ACER1: variants seen among roughly 807,000 people sequenced by gnomAD.
ACER1 encodes CTB-180A7.3.
A neutral mutation model predicts 24.9 loss-of-function variants in ACER1; 28 were observed. The observed-to-expected ratio is 1.13, with a 90% confidence interval of 0.83 to 1.54. The LOEUF is 1.54. Ranked by LOEUF, ACER1 falls within the 40% of genes most tolerant of loss-of-function variation. The pLI, the probability that ACER1 is intolerant of heterozygous loss-of-function variation, is 0.00. For synonymous variants in ACER1, 132 were observed against 131.4 expected, an observed-to-expected ratio of 1.00 and a Z score of -0.03; for missense variants, 352 against 349.3, an observed-to-expected ratio of 1.01 and a Z score of -0.06.
chr19:6,330,264 T>A (rs951801303), intron 1 of ACER1, among the ~76,000 whole-genome samples: 1 of 149,880 alleles, frequency 6.7e-6, no homozygotes, highest in African/African-American at 2.5e-5. Context: ...ACCTCCCAGA[T>A]TCAAGTGATT....
chr19:6,359,638 G>A, the ACER1 span, among the ~76,000 whole-genome samples: 2 of 151,916 alleles, frequency 1.3e-5, no homozygotes, highest in African/African-American at 4.8e-5. Context: ...GCTGTGATTC[G>A]AAGGACTGCC....
rs774424564 is a variant in ACER1 at position 6,333,428 on chromosome 19, G to A, written c.93+31C>T. Reference sequence around the variant, plus strand: ...GAACCGGGATTCGAACCGGCATCTGGCGAGACTCCTTCACACACCCACGCA... The same window carrying A: ...GAACCGGGATTCGAACCGGCATCTGACGAGACTCCTTCACACACCCACGCA... On this transcript the variant is annotated intron_variant, in intron 1 of 5. Coordinates refer to ENST00000301452, the MANE Select transcript of ACER1 (RefSeq NM_133492.3). 5 of 1,527,368 alleles carry A rather than the reference G, an allele frequency of 3.3e-6. No homozygotes were observed. In the Admixed American group the frequency reaches 7.9e-5, roughly 24 times the overall value. The allele number at this position is 1,527,368 out of a possible 1,614,324, so 94.6% of individuals were successfully genotyped here.
chr19:6,358,216 G>A, the ACER1 span, among the ~76,000 whole-genome samples: 1 of 152,192 alleles, frequency 6.6e-6, no homozygotes, highest in Non-Finnish European at 1.5e-5. Context: ...ATAAAAGTAA[G>A]ATTCCAGACC....
At chr19:6,348,777 G>A in the ACER1 span, among the ~76,000 whole-genome samples, 1 of 152,038 alleles carries the variant, frequency 6.6e-6, no homozygotes, top group Non-Finnish European at 1.5e-5. Flanking sequence ...AGCACGGCAG[G>A]CTGGGCATGG....
At chr19:6,323,406 G>A (rs188737817) in intron 1 of ACER1, among the ~76,000 whole-genome samples, 1,876 of 149,390 alleles carry the variant, frequency 0.013, 12 homozygotes, top group Middle Eastern at 0.021. Context: ...GGGTGACAGC[G>A]AGACTCCGTC....
intron 3 of ACER1, among the ~76,000 whole-genome samples, chr19:6,311,723 G>A (rs544218680): frequency 1.3e-5 from 2 of 152,258 alleles, no homozygotes; most frequent in East Asian, 1.9e-4. Context: ...TTATTTCACA[G>A]GGGTCAAGGG....
the ACER1 span, among the ~76,000 whole-genome samples, chr19:6,345,982 C>T: frequency 1.3e-5 from 2 of 151,982 alleles, no homozygotes; most frequent in African/African-American, 4.8e-5. Context: ...CCCACCTCAG[C>T]CTCCCAAGCT....
At chr19:6,341,626 T>C in the ACER1 span, among the ~76,000 whole-genome samples, 12 of 152,136 alleles carry the variant, frequency 7.9e-5, no homozygotes, top group Admixed American at 6.5e-4. Flanking sequence ...TGTTTTGTTT[T>C]GTTTTTCTTT....
the ACER1 span, among the ~76,000 whole-genome samples, chr19:6,357,924 G>T: frequency 6.6e-6 from 1 of 152,172 alleles, no homozygotes; most frequent in African/African-American, 2.4e-5. Flanking sequence ...AAGTGAAGCT[G>T]ATTAAACAAA....
the ACER1 span, among the ~76,000 whole-genome samples, chr19:6,346,505 C>CTTTTTTTT: frequency 6.7e-6 from 1 of 148,910 alleles, no homozygotes. Flanking sequence ...TCTTCTTCTT[C>CTTTTTTTT]TTTTTTTTCT....
At position 6,309,723 on chromosome 19, in the gene ACER1, GAGAATGTGCA is replaced by G. The variant is rs557080289; in HGVS notation, c.452_461del (p.Leu151ProfsTer19). On this transcript the variant is annotated frameshift_variant, in exon 4 of 6. Transcript: ENST00000301452. LOFTEE classifies it high-confidence loss of function. ...TCCTGTACTCCTGGCACACGATGTAGAGAATGTGCAGGGCAATGCTGTTGAGGGCGTAGGC... is the reference window on the plus strand; with the variant it reads ...TCCTGTACTCCTGGCACACGATGTAGGGGCAATGCTGTTGAGGGCGTAGGC... 4.3e-6 allele frequency: 7 copies of G among 1,614,086 alleles called. No homozygotes were observed. In the Admixed American group the frequency reaches 1.2e-4, roughly 27 times the overall value.
chr19:6,334,772 T>G (rs1422825381), upstream of ACER1, among the ~76,000 whole-genome samples: 2 of 151,702 alleles, frequency 1.3e-5, no homozygotes, highest in East Asian at 1.9e-4. Context: ...AAGACAGAGA[T>G]AAAGCATGTA....
intron 1 of ACER1, among the ~76,000 whole-genome samples, chr19:6,316,607 C>G (rs1476071618): frequency 6.6e-6 from 1 of 150,832 alleles, no homozygotes; most frequent in African/African-American, 2.4e-5. Context: ...GATCATGAGA[C>G]CAAGAGTTCG....
intron 1 of ACER1, among the ~76,000 whole-genome samples, chr19:6,322,765 T>C (rs1019552890): frequency 3.9e-5 from 6 of 152,190 alleles, no homozygotes; most frequent in African/African-American, 1.4e-4. Flanking sequence ...GGGTCTGTCC[T>C]GCTCTGTTCT....
At chr19:6,341,427 A>G in the ACER1 span, among the ~76,000 whole-genome samples, 1 of 149,588 alleles carries the variant, frequency 6.7e-6, no homozygotes, top group African/African-American at 2.5e-5. Flanking sequence ...CAGGAAGCTG[A>G]GATGGGAAGA....
At chr19:6,327,998 C>T (rs2091669464) in intron 1 of ACER1, among the ~76,000 whole-genome samples, 1 of 151,636 alleles carries the variant, frequency 6.6e-6, no homozygotes, top group African/African-American at 2.4e-5. Flanking sequence ...ATTGCTTGAA[C>T]CTGGGAGGCA....
intron 1 of ACER1, among the ~76,000 whole-genome samples, chr19:6,323,344 CTA>C (rs1475509349): frequency 8.6e-5 from 13 of 151,452 alleles, no homozygotes; most frequent in South Asian, 2.1e-4. Flanking sequence ...GGTGTGAACC[CTA>C]GGGGGCAGAG....
chr19:6,314,874 T>G (rs2091595774), intron 1 of ACER1, among the ~76,000 whole-genome samples: 1 of 107,142 alleles, frequency 9.3e-6, no homozygotes, highest in South Asian at 3.5e-4. Context: ...CAATGGAATT[T>G]TATTTATTTA....
chr19:6,352,601 C>T, the ACER1 span, among the ~76,000 whole-genome samples: 1 of 152,196 alleles, frequency 6.6e-6, no homozygotes, highest in East Asian at 1.9e-4. Context: ...CTAACTGAAA[C>T]ACAGGTGTAT....
Sources: allele counts gnomAD v4.1 joint callset (sites outside exome capture counted in the v4.1 genomes callset), GRCh38; gene constraint gnomAD v4.1.1; transcripts MANE v1.5; gene names NCBI Gene and HGNC (gene_info 2026-07-23, HGNC 2026-07-21).